HYAL1: variants seen among roughly 807,000 people sequenced by gnomAD.
HYAL1 encodes the protein hyaluronidase-1.
Under a neutral mutation model 28.8 loss-of-function variants are expected in HYAL1, and 21 were observed. The ratio of observed to expected loss-of-function variants is 0.73; its 90% CI spans 0.52 to 1.05. The LOEUF is 1.05. HYAL1 is among the 50% of genes least tolerant of loss of function. The pLI is 0.00. For missense variants in HYAL1, 491 were observed against 579.2 expected, an observed-to-expected ratio of 0.85 and a Z score of 1.56; for synonymous variants, 200 against 230.1, an observed-to-expected ratio of 0.87 and a Z score of 1.18.
Position 50,302,959 on chromosome 3 carries a change from C to A in HYAL1, c.-3G>T, listed in dbSNP as rs376297171. Reference sequence around the variant, plus strand: ...ATGGGAAGCAGGTGGGCTGCCATGGCACGGGACTGGTCGAGGACAACCTGG... The same window carrying A: ...ATGGGAAGCAGGTGGGCTGCCATGGAACGGGACTGGTCGAGGACAACCTGG... On this transcript the variant is annotated 5_prime_UTR_variant, in exon 2 of 4. Transcript: ENST00000395144. This position sits in a 1 kb window ranked among gnomAD's most constrained non-coding sequence, Gnocchi z 5.0. 555 of 1,559,468 alleles carry A rather than the reference C, an allele frequency of 3.6e-4. No individual in the cohort carries two copies. Among genetic ancestry groups the A allele is most frequent in the Non-Finnish European group, 4.5e-4 (521 of 1,150,236 alleles).
At chr3:50,311,141 C>A (rs1256944128) in intron 1 of HYAL1, among the ~76,000 whole-genome samples, 4 of 151,650 alleles carry the variant, frequency 2.6e-5, no homozygotes, top group African/African-American at 9.7e-5. Flanking sequence ...GGGTGGTGGC[C>A]GGGCAGAGGG....
In HYAL1 at chr3:50,301,093, C is replaced by T. The variant is rs1553712799; in HGVS notation, c.901-16G>A. On this transcript the variant is annotated splice_polypyrimidine_tract_variant and intron_variant, in intron 2 of 3. Transcript: ENST00000395144. ...CCAGCTCATCCTGGGAAGGAGACAGCACAGCTCTGTGGGGCCTCCTTCCCA... is the reference window on the plus strand; with the variant it reads ...CCAGCTCATCCTGGGAAGGAGACAGTACAGCTCTGTGGGGCCTCCTTCCCA... 2 of 1,576,482 alleles carry T rather than the reference C, an allele frequency of 1.3e-6. No individual in the cohort carries two copies. Among genetic ancestry groups the T allele is most frequent in the Non-Finnish European group, 1.7e-6 (2 of 1,146,572 alleles).
At position 50,300,772 on chromosome 3, in the gene HYAL1, A is replaced by G. The variant is rs781933401; in HGVS notation, c.1019T>C (p.Met340Thr). The change falls in exon 4 of 4, where the codon ATG (methionine) becomes ACG (threonine). Residue 340 changes from methionine (M) to threonine (T), a missense_variant. Coordinates refer to ENST00000395144, the MANE Select transcript of HYAL1 (RefSeq NM_033159.4). ...KESCQAIKEY[M>T]DTTLGPFILN... ...GATGAAGGGCCCCAGTGTAGTGTCC[A>G]TATACTCCTTGATGGCCTGACATGA... is the stretch of plus-strand genomic sequence containing the variant. 1.2e-6 allele frequency: 2 copies of G among 1,614,006 alleles called. No individual in the cohort carries two copies.
upstream of HYAL1, among the ~76,000 whole-genome samples, chr3:50,304,296 A>AAAAAAAAAAATATAT (rs1553713686): frequency 9.8e-5 from 3 of 30,474 alleles, no homozygotes; most frequent in Non-Finnish European, 1.8e-4. Flanking sequence ...AAAAAAAAAA[A>AAAAAAAAAAATATAT]ATATATATAT....
chr3:50,310,032 T>G (rs1314208732), intron 1 of HYAL1, among the ~76,000 whole-genome samples: 1 of 151,412 alleles, frequency 6.6e-6, no homozygotes, highest in Non-Finnish European at 1.5e-5. Context: ...ATGATTTGTC[T>G]TTAGTAAAAT....
intron 2 of HYAL1, among the ~76,000 whole-genome samples, chr3:50,301,719 G>A (rs587746932): frequency 3.9e-5 from 6 of 152,234 alleles, no homozygotes; most frequent in African/African-American, 9.6e-5. Context: ...TTGGGAGGCC[G>A]AGGCGGATGG....
At chr3:50,307,680 GAAA>G (rs1160592800), upstream of HYAL1, among the ~76,000 whole-genome samples, 550 of 24,834 alleles carry the variant, frequency 0.022, 2 homozygotes, top group African/African-American at 0.078. Context: ...GACTCCATCT[GAAA>G]AAAAAAAAAA....
In HYAL1 at chr3:50,311,112, T is replaced by C. The variant is rs1423101315; in HGVS notation, c.-310+1152A>G. Reference sequence around the variant, plus strand: ...TCATGGCCCGTTCTCAATGAGCTGTTGGGTACACCTCCCAGACGGGGTGGT... The same window carrying C: ...TCATGGCCCGTTCTCAATGAGCTGTCGGGTACACCTCCCAGACGGGGTGGT... On this transcript the variant is annotated intron_variant, in intron 1 of 5. Transcript: ENST00000320295. 6.1e-4 allele frequency among the ~76,000 whole-genome samples: 93 copies of C among 152,116 alleles called. 2 individuals carry two copies. Among genetic ancestry groups the C allele is most frequent in the Admixed American group, 5.4e-3 (82 of 15,302 alleles).
At chr3:50,300,852 C>T (rs782196145) in intron 3 of HYAL1, 52 bp from the exon 4 acceptor site, 15 of 1,581,924 alleles carry the variant, frequency 9.5e-6, no homozygotes, top group Non-Finnish European at 1.2e-5. Flanking sequence ...TGTATGGACC[C>T]ACCCAGGGCA....
chr3:50,305,574 C>T (rs587647868), upstream of HYAL1, among the ~76,000 whole-genome samples: 8 of 145,894 alleles, frequency 5.5e-5, no homozygotes, highest in South Asian at 2.1e-4. Flanking sequence ...CTCACTCTGT[C>T]GCCCAGGCTG....
At position 50,302,164 on chromosome 3, in the gene HYAL1, G is replaced by C. The variant is rs1018254791; in HGVS notation, c.793C>G (p.Arg265Gly). 1.2e-6 allele frequency: 2 copies of C among 1,614,064 alleles called. No individual in the cohort carries two copies. Among genetic ancestry groups the C allele is most frequent in the East Asian group, 4.5e-5 (2 of 44,898 alleles). Residue 265 changes from arginine to glycine, a missense_variant, in exon 2 of 4, where the codon CGT becomes GGT. By Grantham distance (125) the Arg-to-Gly change is moderately radical (BLOSUM62 -2). Coordinates refer to ENST00000395144, the MANE Select transcript of HYAL1 (RefSeq NM_033159.4). The surrounding 1 kb of genome is among the most constrained non-coding windows in gnomAD (Gnocchi z 5.0). ...GCCACACGGAATGCCTCGGCCACAC[G>C]GTGTTGCACATACATCTGTGACTTC... Reference protein sequence around the residue: ...TGKSQMYVQHRVAEAFRVAVA... With the variant: ...TGKSQMYVQHGVAEAFRVAVA...
chr3:50,303,066 A>C (rs1575518118), intron 1 of HYAL1, 86 bp from the exon 2 acceptor site: 1 of 1,028,492 alleles, frequency 9.7e-7, no homozygotes, highest in African/African-American at 1.6e-5. Flanking sequence ...GCCCTTGCGC[A>C]TTAATCCACC....
At chr3:50,307,851 A>G (rs1180073723), upstream of HYAL1, among the ~76,000 whole-genome samples, 1 of 145,506 alleles carries the variant, frequency 6.9e-6, no homozygotes, top group Non-Finnish European at 1.5e-5. Context: ...GCTGGAGTGC[A>G]GTGGCGCAAT....
At chr3:50,304,296 AATAT>A (rs1175956843), upstream of HYAL1, among the ~76,000 whole-genome samples, 293 of 30,128 alleles carry the variant, frequency 9.7e-3, no homozygotes, top group Admixed American at 0.013. Flanking sequence ...AAAAAAAAAA[AATAT>A]ATATATATAT....
intron 1 of HYAL1, chr3:50,309,901 A>G (rs1364647690): frequency 6.6e-6 from 1 of 151,546 alleles, no homozygotes; most frequent in Non-Finnish European, 1.5e-5. Context: ...GCACAAATCC[A>G]TGGCTGGGCA....
intron 1 of HYAL1, among the ~76,000 whole-genome samples, chr3:50,310,773 G>T (rs1249658124): frequency 2.0e-5 from 3 of 150,476 alleles, no homozygotes; most frequent in Admixed American, 2.0e-4. Context: ...GTGTCCCTGG[G>T]TACTTGAGAT....
rs1187654977 is a variant in HYAL1, at chr3:50,301,642, T to A, written c.900+415A>T. On this transcript the variant is annotated intron_variant, in intron 2 of 3. Transcript: ENST00000395144. ...AAAAAAAAAAAAAAAAAAGGATGAA[T>A]GAATGGATGAAAATGTCCCAAGGTT... Among the ~76,000 whole-genome samples, 511 of 117,210 alleles carry A rather than the reference T, an allele frequency of 4.4e-3. 4 individuals are homozygous for A. Among genetic ancestry groups the A allele is most frequent in the African/African-American group, 0.016 (477 of 30,152 alleles). The allele number at this position is 117,210 out of a possible 152,430, so 76.9% of individuals were successfully genotyped here.
rs1702479646 is a variant in HYAL1 at position 50,312,086 on chromosome 3, C to T, written c.-310+178G>A. Among the ~76,000 whole-genome samples the T allele has an allele frequency of 2.0e-5, 3 of 147,124 alleles. No individual in the cohort carries two copies. In the South Asian group the frequency reaches 6.3e-4, roughly 31 times the overall value. ...GCGGGGGGCTGACCCCCCCACCTCC[C>T]TCCCGGACGGGGCGGCTGGCCGGGC... On this transcript the variant is annotated intron_variant, in intron 1 of 5. Transcript: ENST00000320295.
chr3:50,301,674 C>G (rs1055411843), intron 2 of HYAL1, among the ~76,000 whole-genome samples: 24 of 150,362 alleles, frequency 1.6e-4, no homozygotes, highest in Admixed American at 1.6e-3. Flanking sequence ...GGTTGGGGGC[C>G]GGGCGCGGTG....
Sources: gnomAD v4.1 joint callset for allele counts (sites outside exome capture counted in the v4.1 genomes callset) on GRCh38, gnomAD v4.1.1 for gene constraint, Gnocchi (gnomAD v3.1) non-coding constraint, MANE v1.5 for transcripts, NCBI Gene and HGNC (gene_info 2026-07-23, HGNC 2026-07-21) for gene names.